Variants in SSH2 observed in about 807,000 individuals in gnomAD.
SSH2 encodes slingshot protein phosphatase 2.
In SSH2, 37 loss-of-function variants were observed where a neutral mutation model predicts 135.2. That is an observed-to-expected ratio of 0.27 (90% CI 0.21 to 0.36). The LOEUF is 0.36. Ranked by LOEUF, SSH2 falls within the 10% of genes least tolerant of loss-of-function variation. The pLI is 1.00. For missense variants in SSH2, 1,408 were observed against 1,765.3 expected (o/e 0.80, Z 3.63); for synonymous variants, 628 against 646.2 (o/e 0.97, Z 0.43).
intron 1 of SSH2, among the ~76,000 whole-genome samples, chr17:29,850,244 A>G (rs1056419048): frequency 6.6e-6 from 1 of 152,186 alleles, no homozygotes; most frequent in African/African-American, 2.4e-5. Flanking sequence ...AAAAAAGGGA[A>G]CAGAAAAGGC....
chr17:29,864,109 G>C (rs1225648665), intron 1 of SSH2: 1 of 152,134 alleles, frequency 6.6e-6, no homozygotes, highest in East Asian at 1.9e-4. Context: ...TTTAAGACCA[G>C]CCTGGCCACC....
chr17:29,640,467 G>T (rs146016728), intron 14 of SSH2, among the ~76,000 whole-genome samples: 1 of 152,196 alleles, frequency 6.6e-6, no homozygotes, highest in South Asian at 2.1e-4. Context: ...CAGCAACAGT[G>T]CATGTTTCAG....
chr17:29,756,170 G>A (rs2041112998), intron 3 of SSH2, among the ~76,000 whole-genome samples: 1 of 151,518 alleles, frequency 6.6e-6, no homozygotes, highest in African/African-American at 2.4e-5. Flanking sequence ...CTACTCGGGA[G>A]GCTGAGGCAA....
At chr17:29,690,043 C>T (rs1187826140) in intron 5 of SSH2, among the ~76,000 whole-genome samples, 1 of 147,404 alleles carries the variant, frequency 6.8e-6, no homozygotes, top group Non-Finnish European at 1.5e-5. Context: ...AAAAGAGCTT[C>T]TCTCCTCAGC....
chr17:29,831,932 T>C (rs1325743268), intron 2 of SSH2, among the ~76,000 whole-genome samples: 1 of 152,154 alleles, frequency 6.6e-6, no homozygotes, highest in Non-Finnish European at 1.5e-5. Flanking sequence ...TTTTGTTATT[T>C]ATTTATATAT....
intron 1 of SSH2, among the ~76,000 whole-genome samples, chr17:29,880,206 C>T (rs1165188047): frequency 6.6e-6 from 1 of 152,174 alleles, no homozygotes; most frequent in South Asian, 2.1e-4. Flanking sequence ...ACTGCAGGCT[C>T]GAGCCCCACC....
At chr17:29,775,244 A>G (rs943125075) in intron 3 of SSH2, among the ~76,000 whole-genome samples, 6 of 151,876 alleles carry the variant, frequency 4.0e-5, no homozygotes, top group Non-Finnish European at 7.4e-5. Context: ...CTGGCAGCCT[A>G]GAAGGGAGAC....
In SSH2 at chr17:29,725,347, C is replaced by CAAAAAAAAAA. The variant is rs11449000; in HGVS notation, c.189-22295_189-22286dup. Among the ~76,000 whole-genome samples, 18 of 52,772 alleles carry CAAAAAAAAAA rather than the reference C, an allele frequency of 3.4e-4. 5 individuals are homozygous for CAAAAAAAAAA. Among genetic ancestry groups the CAAAAAAAAAA allele is most frequent in the Non-Finnish European group, 5.3e-4 (17 of 31,876 alleles). 34.6% of individuals were successfully genotyped at this position (52,772 alleles called of 152,430 possible). A position where few individuals can be genotyped will look rare whatever the true frequency, so the allele number is the denominator to read the frequency against. On this transcript the variant is annotated intron_variant, in intron 3 of 15. Coordinates refer to ENST00000540801, the MANE Select transcript of SSH2 (RefSeq NM_001282129.2). ...GGGCGACACAGCAAGAATCAGTCTCCAAAAAAAAAAAAAAAAAAAAAAGCC... is the reference window on the plus strand; with the variant it reads ...GGGCGACACAGCAAGAATCAGTCTCCAAAAAAAAAAAAAAAAAAAAAAAAAAAAAAAAGCC...
At chr17:29,727,851 A>G (rs1364328977) in intron 3 of SSH2, among the ~76,000 whole-genome samples, 1 of 152,154 alleles carries the variant, frequency 6.6e-6, no homozygotes, top group East Asian at 1.9e-4. Flanking sequence ...AAAAGAAACA[A>G]AGAGCATCCC....
chr17:29,793,115 C>T (rs189949512), intron 3 of SSH2, among the ~76,000 whole-genome samples: 5 of 152,144 alleles, frequency 3.3e-5, no homozygotes, highest in African/African-American at 9.6e-5. Context: ...CCATCTAGAA[C>T]TTACCAGGCC....
chr17:29,870,441 A>G (rs1428691119), intron 1 of SSH2, among the ~76,000 whole-genome samples: 1 of 152,212 alleles, frequency 6.6e-6, no homozygotes. Context: ...CCAGGGTACG[A>G]AAGTAGAGGA....
intron 3 of SSH2, among the ~76,000 whole-genome samples, chr17:29,750,456 T>A (rs901513376): frequency 6.7e-6 from 1 of 149,202 alleles, no homozygotes; most frequent in African/African-American, 2.5e-5. Flanking sequence ...AAAAAAAATT[T>A]TTTTTTAAAT....
chr17:29,704,629 G>A (rs2039123019), intron 3 of SSH2, among the ~76,000 whole-genome samples: 1 of 150,324 alleles, frequency 6.7e-6, no homozygotes, highest in Non-Finnish European at 1.5e-5. Flanking sequence ...CTTGAGCCTA[G>A]GAGTTCGAGA....
intron 3 of SSH2, among the ~76,000 whole-genome samples, chr17:29,708,077 C>A (rs1194785120): frequency 6.6e-6 from 1 of 152,076 alleles, no homozygotes; most frequent in Non-Finnish European, 1.5e-5. Context: ...TTTATAACCA[C>A]CACCAGAGTT....
At chr17:29,662,119 A>G (rs2037071748) in intron 11 of SSH2, among the ~76,000 whole-genome samples, 1 of 152,210 alleles carries the variant, frequency 6.6e-6, no homozygotes, top group African/African-American at 2.4e-5. Flanking sequence ...TTCTAATTTT[A>G]CTGAAGTGTA....
chr17:29,895,154 C>A (rs536464237), intron 1 of SSH2, among the ~76,000 whole-genome samples: 2 of 144,696 alleles, frequency 1.4e-5, no homozygotes, highest in Admixed American at 7.1e-5. Context: ...ATTTATAGAT[C>A]GCAGAATGTA....
At chr17:29,781,295 T>C (rs918799578) in intron 3 of SSH2, among the ~76,000 whole-genome samples, 1 of 151,990 alleles carries the variant, frequency 6.6e-6, no homozygotes, top group African/African-American at 2.4e-5. Flanking sequence ...CCAAATAGGT[T>C]TGAATAAAGA....
intron 3 of SSH2, among the ~76,000 whole-genome samples, chr17:29,754,936 G>C (rs1258305985): frequency 6.6e-6 from 1 of 152,180 alleles, no homozygotes; most frequent in African/African-American, 2.4e-5. Context: ...TGAGATTATA[G>C]GCGTGAGCCA....
At chr17:29,864,749 C>T (rs1263328994) in intron 1 of SSH2, among the ~76,000 whole-genome samples, 3 of 151,554 alleles carry the variant, frequency 2.0e-5, no homozygotes, top group Non-Finnish European at 4.4e-5. Flanking sequence ...AATCAGCTTC[C>T]CTAAAAGGGC....
Sources: gnomAD v4.1 joint callset for allele counts (sites outside exome capture counted in the v4.1 genomes callset) on GRCh38, gnomAD v4.1.1 for gene constraint, MANE v1.5 for transcripts, NCBI Gene and HGNC (gene_info 2026-07-23, HGNC 2026-07-21) for gene names.